Variants in ART1 observed in about 807,000 individuals in gnomAD.
The protein encoded by ART1 is GPI-linked NAD(P)(+)--arginine ADP-ribosyltransferase 1.
A neutral mutation model predicts 27.0 loss-of-function variants in ART1; 29 were observed. The ratio of observed to expected loss-of-function variants is 1.08; its 90% CI spans 0.80 to 1.47. The LOEUF is 1.47. ART1 is among the 40% of genes most tolerant of loss of function. The probability of loss-of-function intolerance (pLI) is 0.00; values close to 1 mark genes in which losing one functional copy is unlikely to be tolerated. For synonymous variants in ART1, 201 were observed against 172.2 expected (o/e 1.17, Z -1.31); for missense variants, 480 against 423.0 (o/e 1.13, Z -1.18).
Position 3,659,265 on chromosome 11 carries a change from G to A in ART1, c.52G>A (p.Glu18Lys), listed in dbSNP as rs1363017030. Residue 18 changes from glutamate (E) to lysine (K), a missense_variant, in exon 2 of 5, where the codon GAA (glutamate) becomes AAA (lysine). Physicochemically the swap from Glu to Lys is moderately conservative, Grantham distance 56. Coordinates refer to ENST00000250693, the MANE Select transcript of ART1 (RefSeq NM_004314.3). Reference protein sequence around the residue: ...SLLLVSVGLMEALQAQSHPIT... With the variant: ...SLLLVSVGLMKALQAQSHPIT... ...GCTTCTTGTGTCTGTGGGCCTCATG[G>A]AAGCACTTCAGGTATGGGCATCCCC... 6.2e-7 allele frequency: 1 copy of A among 1,614,052 alleles called. No homozygotes were observed. The highest frequency in any genetic ancestry group is 1.7e-5 in the Admixed American group (1 of 60,000).
intron 1 of ART1, among the ~76,000 whole-genome samples, chr11:3,651,611 A>T (rs531924877): frequency 6.6e-6 from 1 of 151,844 alleles, no homozygotes; most frequent in African/African-American, 2.4e-5. Context: ...ATAGTTTTAG[A>T]GGCCCTAAAA....
intron 1 of ART1, among the ~76,000 whole-genome samples, chr11:3,655,989 A>G (rs1273179573): frequency 6.9e-6 from 1 of 145,688 alleles, no homozygotes; most frequent in East Asian, 2.0e-4. Context: ...CTAGAGAGCA[A>G]TGGTGCGATC....
At chr11:3,652,262 G>C (rs1237299494) in intron 1 of ART1, among the ~76,000 whole-genome samples, 1 of 151,094 alleles carries the variant, frequency 6.6e-6, no homozygotes, top group African/African-American at 2.5e-5. Flanking sequence ...GTCTGAGAAG[G>C]CCACCGCAGT....
intron 4 of ART1, among the ~76,000 whole-genome samples, chr11:3,662,563 G>A (rs1055481287): frequency 1.3e-5 from 2 of 152,240 alleles, no homozygotes; most frequent in Non-Finnish European, 2.9e-5. Flanking sequence ...GGCAAAGAGA[G>A]GCCGGGTGTG....
chr11:3,647,303 C>T (rs1247479183), intron 1 of ART1, among the ~76,000 whole-genome samples: 4 of 148,142 alleles, frequency 2.7e-5, no homozygotes, highest in Non-Finnish European at 4.5e-5. Flanking sequence ...GCCTGGGCAA[C>T]GAGCAAAACT....
chr11:3,648,475 C>G (rs561943988), intron 1 of ART1, among the ~76,000 whole-genome samples: 17 of 152,312 alleles, frequency 1.1e-4, no homozygotes, highest in Non-Finnish European at 1.6e-4. Context: ...TCTTTTTACT[C>G]ACTTCTCCAA....
intron 4 of ART1, among the ~76,000 whole-genome samples, chr11:3,663,048 CTCA>C (rs1223148193): frequency 5.0e-5 from 6 of 118,948 alleles, no homozygotes; most frequent in Non-Finnish European, 1.0e-4. Context: ...CTCATCTCAT[CTCA>C]TCTCATCTCA....
At chr11:3,654,960 C>G (rs1489114168) in intron 1 of ART1, among the ~76,000 whole-genome samples, 1 of 152,248 alleles carries the variant, frequency 6.6e-6, no homozygotes, top group African/African-American at 2.4e-5. Context: ...AGAGATACAG[C>G]TGGCCCAGTG....
Position 3,645,160 on chromosome 11 carries a change from C to G in ART1, c.-72C>G, listed in dbSNP as rs576533424. ...ATGGTGGAGATCAGCAGCAGCTTCCCCACCCAGGACAAGGCCTAGGTAAGG... is the reference window on the plus strand; with the variant it reads ...ATGGTGGAGATCAGCAGCAGCTTCCGCACCCAGGACAAGGCCTAGGTAAGG... On this transcript the variant is annotated 5_prime_UTR_variant, in exon 1 of 5. Coordinates refer to ENST00000250693, the MANE Select transcript of ART1 (RefSeq NM_004314.3). 6.6e-6 allele frequency: 1 copy of G among 152,036 alleles called. No homozygotes were observed. Among genetic ancestry groups the G allele is most frequent in the Non-Finnish European group, 1.5e-5 (1 of 68,028 alleles). The allele number at this position is 152,036 out of a possible 1,614,324, so 9.4% of individuals were successfully genotyped here. A position where few individuals can be genotyped will look rare whatever the true frequency, so the allele number is the denominator to read the frequency against.
At chr11:3,662,328 G>C (rs1365428083) in intron 4 of ART1, among the ~76,000 whole-genome samples, 1 of 152,122 alleles carries the variant, frequency 6.6e-6, no homozygotes, top group African/African-American at 2.4e-5. Context: ...GCCTACCCAG[G>C]CCACCATGTT....
intron 1 of ART1, among the ~76,000 whole-genome samples, chr11:3,647,797 G>A (rs2077481356): frequency 1.3e-5 from 2 of 151,812 alleles, no homozygotes. Context: ...TTAATTATGT[G>A]CAGTTTTTTG....
At chr11:3,648,096 A>C (rs1418643744) in intron 1 of ART1, among the ~76,000 whole-genome samples, 1 of 152,052 alleles carries the variant, frequency 6.6e-6, no homozygotes. Context: ...TCCCCTACTG[A>C]GCACCTTGTG....
At position 3,660,269 on chromosome 11, in the gene ART1, A is replaced by C. The variant is rs1234896306; in HGVS notation, c.750A>C (p.Gln250His). The change falls in exon 3 of 5, where the codon CAA becomes CAC. Residue 250 changes from glutamine (Q) to histidine (H), a missense_variant. Physicochemically the swap from Gln to His is conservative, Grantham distance 24. Coordinates refer to ENST00000250693, the MANE Select transcript of ART1 (RefSeq NM_004314.3). ...TGATCCCCCCCTTTGAGACCTTCCAAGTGATCAATGCCAGCAGACTGGCCC... is the reference window on the plus strand; with the variant it reads ...TGATCCCCCCCTTTGAGACCTTCCACGTGATCAATGCCAGCAGACTGGCCC... ...EVLIPPFETF[Q>H]VINASRLAQG... 1.9e-6 allele frequency: 3 copies of C among 1,612,770 alleles called. No homozygotes were observed. In the African/African-American group the frequency reaches 4.0e-5, roughly 22 times the overall value.
At chr11:3,648,631 G>T (rs190826542) in intron 1 of ART1, among the ~76,000 whole-genome samples, 2 of 152,152 alleles carry the variant, frequency 1.3e-5, no homozygotes, top group Non-Finnish European at 2.9e-5. Flanking sequence ...CTCCGGCGCC[G>T]GTCACGGACT....
intron 1 of ART1, among the ~76,000 whole-genome samples, chr11:3,653,796 T>C (rs1427014073): frequency 1.3e-5 from 2 of 149,846 alleles, no homozygotes; most frequent in African/African-American, 2.5e-5. Flanking sequence ...CCTACCTCTG[T>C]CTATCCTCAC....
At chr11:3,661,649 A>T (rs2077622012) in intron 4 of ART1, among the ~76,000 whole-genome samples, 1 of 152,022 alleles carries the variant, frequency 6.6e-6, no homozygotes, top group Non-Finnish European at 1.5e-5. Context: ...GGCGCATGCC[A>T]CCAAGCCCGG....
At chr11:3,654,889 T>G (rs1377205057) in intron 1 of ART1, among the ~76,000 whole-genome samples, 2 of 152,138 alleles carry the variant, frequency 1.3e-5, no homozygotes, top group Non-Finnish European at 2.9e-5. Flanking sequence ...CTCAAGCCTC[T>G]GATGTATCTT....
chr11:3,659,431 G>A, intron 2 of ART1, 152 bp from the exon 3 acceptor site: 1 of 1,349,904 alleles, frequency 7.4e-7, no homozygotes, highest in Non-Finnish European at 1.0e-6. Context: ...CTAGTCTTGG[G>A]GAAATTACAG....
At chr11:3,656,919 A>G (rs909412710) in intron 1 of ART1, among the ~76,000 whole-genome samples, 2 of 152,232 alleles carry the variant, frequency 1.3e-5, no homozygotes, top group Non-Finnish European at 2.9e-5. Flanking sequence ...CATTTTGGAC[A>G]TGTGGAATTT....
Sources: allele counts gnomAD v4.1 joint callset (sites outside exome capture counted in the v4.1 genomes callset), GRCh38; gene constraint gnomAD v4.1.1; transcripts MANE v1.5; gene names NCBI Gene and HGNC (gene_info 2026-07-23, HGNC 2026-07-21).